MEMO1: variants seen among roughly 807,000 people sequenced by gnomAD.
MEMO1 encodes protein MEMO1.
In MEMO1, 6 loss-of-function variants were observed where a neutral mutation model predicts 45.2. The ratio of observed to expected loss-of-function variants is 0.13; its 90% CI spans 0.07 to 0.26. MEMO1 has a LOEUF of 0.26. Ranked by LOEUF, MEMO1 falls within the 10% of genes least tolerant of loss-of-function variation. MEMO1 has a pLI of 1.00. For synonymous variants in MEMO1, 78 were observed against 124.3 expected (o/e 0.63, Z 2.48); for missense variants, 184 against 370.5 (o/e 0.50, Z 4.13).
chr2:31,906,633 A>G lies in MEMO1; in HGVS notation c.437+11293T>C, dbSNP rs571507505. ...CCATCGCACCCAGCCTAGGAGTGCT[A>G]TTCTTCTTCAGTCCCAATCATCACT... is the stretch of plus-strand genomic sequence containing the variant. On this transcript the variant is annotated intron_variant, in intron 6 of 9. Coordinates refer to ENST00000404530, the MANE Select transcript of MEMO1 (RefSeq NM_001301833.4). 5.9e-5 allele frequency among the ~76,000 whole-genome samples: 9 copies of G among 152,236 alleles called. No homozygotes were observed. In the South Asian group the frequency reaches 1.2e-3, roughly 21 times the overall value.
intron 2 of MEMO1, among the ~76,000 whole-genome samples, chr2:32,002,144 C>CA (rs1156408005): frequency 0.014 from 762 of 55,674 alleles, 40 homozygotes; most frequent in Middle Eastern, 0.029. Flanking sequence ...GACTCTGTCT[C>CA]AAAAAAAAAA....
At chr2:31,871,623 C>A (rs1664767099) in intron 8 of MEMO1, among the ~76,000 whole-genome samples, 1 of 151,986 alleles carries the variant, frequency 6.6e-6, no homozygotes, top group Non-Finnish European at 1.5e-5. Context: ...GTTTGTAATG[C>A]TAAGTTGGTT....
At chr2:31,917,689 T>C (rs1181566683) in intron 6 of MEMO1, among the ~76,000 whole-genome samples, 2 of 152,222 alleles carry the variant, frequency 1.3e-5, no homozygotes, top group Non-Finnish European at 1.5e-5. Context: ...TACACTCACA[T>C]ACCCATGGGT....
chr2:31,974,255 G>A (rs555676682), intron 2 of MEMO1, among the ~76,000 whole-genome samples: 105 of 152,236 alleles, frequency 6.9e-4, no homozygotes, highest in African/African-American at 2.4e-3. Flanking sequence ...ATCATTTGCA[G>A]TTAATAATTT....
At position 31,961,817 on chromosome 2, in the gene MEMO1, T is replaced by C. The variant is rs535798907; in HGVS notation, c.62-18434A>G. The stretch of plus-strand genomic sequence containing the variant: ...TTATCCTGGTTAACTGTCACAGTAA[T>C]CCTATGACATAGTTATTATCTGTAG... On this transcript the variant is annotated intron_variant, in intron 2 of 9. Transcript: ENST00000404530. Among the ~76,000 whole-genome samples the C allele has an allele frequency of 2.0e-5, 3 of 151,974 alleles. No homozygotes were observed. The East Asian group carries it at 5.8e-4, about 30-fold the overall frequency.
chr2:32,002,255 GTATA>G (rs1248517451), intron 2 of MEMO1, among the ~76,000 whole-genome samples: 2 of 138,860 alleles, frequency 1.4e-5, no homozygotes, highest in Non-Finnish European at 3.0e-5. Context: ...ATATATACGT[GTATA>G]TATACATACA....
chr2:31,909,697 T>C (rs998064316), intron 6 of MEMO1, among the ~76,000 whole-genome samples: 6 of 152,210 alleles, frequency 3.9e-5, no homozygotes, highest in African/African-American at 1.4e-4. Context: ...CAACACAATT[T>C]AAATATTTAA....
chr2:31,995,583 C>T (rs1672490071), intron 2 of MEMO1, among the ~76,000 whole-genome samples: 1 of 149,818 alleles, frequency 6.7e-6, no homozygotes, highest in South Asian at 2.1e-4. Flanking sequence ...GAGAACAAAG[C>T]AAAATAAATT....
Position 31,970,287 on chromosome 2 carries a change from A to G in MEMO1, c.62-26904T>C, listed in dbSNP as rs146291395. The stretch of plus-strand genomic sequence containing the variant: ...GCCTGGCCTCTCTTTCGTAATTTTC[A>G]GTAGCCCTCTCTCCAGAGGGACAAT... On this transcript the variant is annotated intron_variant, in intron 2 of 9. Coordinates refer to ENST00000404530, the MANE Select transcript of MEMO1 (RefSeq NM_001301833.4). Among the ~76,000 whole-genome samples, 4 of 152,270 alleles carry G rather than the reference A, an allele frequency of 2.6e-5. No individual in the cohort carries two copies. In the East Asian group the frequency reaches 7.7e-4, roughly 29 times the overall value.
chr2:31,872,297 C>G (rs1043615860), intron 8 of MEMO1, among the ~76,000 whole-genome samples: 2 of 152,174 alleles, frequency 1.3e-5, no homozygotes, highest in Non-Finnish European at 2.9e-5. Context: ...TATAACAAGA[C>G]TCATACTAAC....
chr2:31,948,999 A>C (rs2148348276), intron 2 of MEMO1, among the ~76,000 whole-genome samples: 1 of 152,360 alleles, frequency 6.6e-6, no homozygotes, highest in Admixed American at 6.5e-5. Flanking sequence ...GCAAACAGGC[A>C]TATGAAAAGG....
chr2:31,919,747 C>G (rs541941582), intron 5 of MEMO1, among the ~76,000 whole-genome samples: 1 of 151,938 alleles, frequency 6.6e-6, no homozygotes, highest in African/African-American at 2.4e-5. Flanking sequence ...CACTTGAGCC[C>G]AGGAGTTTGA....
chr2:31,911,374 G>A (rs917423695), intron 6 of MEMO1, among the ~76,000 whole-genome samples: 1 of 152,148 alleles, frequency 6.6e-6, no homozygotes, highest in African/African-American at 2.4e-5. Context: ...CAGGGAGAGG[G>A]GAGAAGAAGG....
chr2:31,882,986 AAAG>A (rs1165029053), intron 8 of MEMO1, among the ~76,000 whole-genome samples: 5 of 152,158 alleles, frequency 3.3e-5, no homozygotes, highest in Non-Finnish European at 5.9e-5. Context: ...GAAGGAGTCA[AAAG>A]AAGGACTCAA....
intron 2 of MEMO1, among the ~76,000 whole-genome samples, chr2:31,945,458 C>G (rs1189341232): frequency 3.3e-5 from 5 of 152,204 alleles, no homozygotes; most frequent in Non-Finnish European, 7.3e-5. Flanking sequence ...GCTGGATCAA[C>G]TTATCCATCA....
At chr2:32,003,114 C>G (rs1673615143) in intron 2 of MEMO1, among the ~76,000 whole-genome samples, 1 of 152,072 alleles carries the variant, frequency 6.6e-6, no homozygotes, top group Admixed American at 6.6e-5. Context: ...TTTTGACACT[C>G]TATCTTTTTT....
chr2:31,964,073 A>G (rs1476958613), intron 2 of MEMO1, among the ~76,000 whole-genome samples: 5 of 152,308 alleles, frequency 3.3e-5, no homozygotes, highest in East Asian at 1.9e-4. Context: ...CAAATTATAT[A>G]TGGCTTAAAT....
intron 6 of MEMO1, among the ~76,000 whole-genome samples, chr2:31,901,374 CAAAAAAAAAA>C (rs70964738): frequency 4.8e-4 from 11 of 22,688 alleles, no homozygotes; most frequent in Admixed American, 7.4e-4. Context: ...CTCTGTCTCA[CAAAAAAAAAA>C]AAAAAAAAAA....
intron 2 of MEMO1, among the ~76,000 whole-genome samples, chr2:31,969,586 GGTGTGT>G (rs367639470): frequency 0.17 from 20,332 of 118,858 alleles, 1,534 homozygotes; most frequent in Non-Finnish European, 0.21. Context: ...TGTGTGTGTG[GGTGTGT>G]GTGTGTGTGT....
Sources: allele counts gnomAD v4.1 joint callset (sites outside exome capture counted in the v4.1 genomes callset), GRCh38; gene constraint gnomAD v4.1.1; transcripts MANE v1.5; gene names NCBI Gene and HGNC (gene_info 2026-07-23, HGNC 2026-07-21).